DNAI4: variants seen among roughly 807,000 people sequenced by gnomAD.
The protein encoded by DNAI4 is dynein axonemal intermediate chain 4.
A neutral mutation model predicts 105.8 loss-of-function variants in DNAI4; 85 were observed. That is an observed-to-expected ratio of 0.80 (90% CI 0.67 to 0.96). The LOEUF (loss-of-function observed/expected upper bound fraction) is 0.96. DNAI4 is among the 40% of genes least tolerant of loss of function. The pLI, the probability that DNAI4 is intolerant of heterozygous loss-of-function variation, is 0.00. For missense variants in DNAI4, 1,014 were observed against 1,005.6 expected (o/e 1.01, Z -0.11); for synonymous variants, 352 against 331.5 (o/e 1.06, Z -0.67).
intron 1 of DNAI4, among the ~76,000 whole-genome samples, chr1:66,909,345 T>A (rs1649492162): frequency 7.5e-6 from 1 of 132,926 alleles, no homozygotes; most frequent in African/African-American, 3.1e-5. Context: ...TAGAGTCTGA[T>A]CAGGTTTTTG....
intron 1 of DNAI4, among the ~76,000 whole-genome samples, chr1:66,909,246 C>T (rs1354626280): frequency 1.3e-5 from 2 of 148,430 alleles, no homozygotes; most frequent in East Asian, 2.0e-4. Context: ...ACAGCAAACC[C>T]TTGGGAAAAA....
chr1:66,822,663 C>T (rs1645656336), intron 15 of DNAI4, 146 bp from the exon 16 acceptor site: 2 of 637,072 alleles, frequency 3.1e-6, no homozygotes, highest in Non-Finnish European at 4.9e-6. Context: ...AATAACTGCT[C>T]CTCACTCCTT....
At chr1:66,876,462 C>G (rs1269017432) in intron 4 of DNAI4, among the ~76,000 whole-genome samples, 1 of 151,970 alleles carries the variant, frequency 6.6e-6, no homozygotes, top group Admixed American at 6.6e-5. Context: ...TATATAGAAC[C>G]TAATATGGTA....
In DNAI4 at chr1:66,862,181, C is replaced by T; in HGVS notation, c.1062G>A (p.Gln354=). Reference sequence around the variant, plus strand: ...TAGTGCTCCCTGGCAATCTTTGGTCCTGATCTTTAGGAAGTACATTTGCTT... The same window carrying T: ...TAGTGCTCCCTGGCAATCTTTGGTCTTGATCTTTAGGAAGTACATTTGCTT... ...SSKANVLPKD[Q]DQRLPGSTTE... The change falls in exon 7 of 17, where the codon CAG becomes CAA. Residue 354 remains glutamine, a synonymous_variant. Transcript: ENST00000371026. 14 of 1,599,726 alleles carry T rather than the reference C, an allele frequency of 8.8e-6. No individual in the cohort carries two copies. The highest frequency in any genetic ancestry group is 1.2e-5 in the Non-Finnish European group (14 of 1,175,280).
chr1:66,912,242 GAAC>G (rs1649713427), intron 1 of DNAI4, among the ~76,000 whole-genome samples: 1 of 151,918 alleles, frequency 6.6e-6, no homozygotes, highest in African/African-American at 2.4e-5. Context: ...AGCACTTTGG[GAAC>G]AGATTACTTG....
At position 66,845,190 on chromosome 1, in the gene DNAI4, C is replaced by CAAA. The variant is rs59265844; in HGVS notation, c.1291+2291_1291+2293dup. ...TGGGTGACAGAGCGAAACTCCATCT[C>CAAA]AAAAAAAAAAAAAAAAAAAGAAAAA... On this transcript the variant is annotated intron_variant, in intron 8 of 16. Coordinates refer to ENST00000371026, the MANE Select transcript of DNAI4 (RefSeq NM_024763.5). 9.8e-3 allele frequency among the ~76,000 whole-genome samples: 1,040 copies of CAAA among 105,968 alleles called. 18 individuals carry two copies. Among genetic ancestry groups the CAAA allele is most frequent in the Non-Finnish European group, 0.013 (725 of 55,636 alleles). The allele number at this position is 105,968 out of a possible 152,430, so 69.5% of individuals were successfully genotyped here.
rs545414666 is a variant in DNAI4, at chr1:66,873,080, T to G, written c.801-1571A>C. 8.3e-4 allele frequency among the ~76,000 whole-genome samples: 126 copies of G among 152,234 alleles called. 2 individuals carry two copies. The highest frequency in any genetic ancestry group is 1.6e-4 in the Non-Finnish European group (11 of 68,010). ...ATTTGTTTAAACATTTCACACATAT[T>G]TTATATTCTATATCTGATAATATAA... On this transcript the variant is annotated intron_variant, in intron 5 of 16. Transcript: ENST00000371026.
chr1:66,920,120 T>C (rs1650357892), intron 1 of DNAI4, among the ~76,000 whole-genome samples: 1 of 151,856 alleles, frequency 6.6e-6, no homozygotes, highest in Admixed American at 6.5e-5. Flanking sequence ...CCTGCACCCA[T>C]AAAAACCCCA....
intron 7 of DNAI4, among the ~76,000 whole-genome samples, chr1:66,852,527 C>G (rs750325376): frequency 1.1e-4 from 16 of 151,558 alleles, no homozygotes; most frequent in South Asian, 4.2e-4. Context: ...ACACAATGAC[C>G]AATTGAAGTT....
intron 9 of DNAI4, among the ~76,000 whole-genome samples, chr1:66,840,053 G>A (rs758087454): frequency 6.6e-6 from 1 of 152,098 alleles, no homozygotes; most frequent in Non-Finnish European, 1.5e-5. Context: ...TTGCACACTT[G>A]TAAGGTCACT....
At chr1:66,878,133 G>T (rs774838852) in intron 4 of DNAI4, among the ~76,000 whole-genome samples, 1 of 151,972 alleles carries the variant, frequency 6.6e-6, no homozygotes, top group Non-Finnish European at 1.5e-5. Context: ...TGGAATTCTC[G>T]TGTAAAAAGA....
At chr1:66,819,959 T>A (rs957742771) in intron 16 of DNAI4, among the ~76,000 whole-genome samples, 5 of 152,110 alleles carry the variant, frequency 3.3e-5, no homozygotes, top group African/African-American at 1.2e-4. Flanking sequence ...TGGAGGCTTA[T>A]GGACAAAAGA....
intron 13 of DNAI4, among the ~76,000 whole-genome samples, chr1:66,830,080 T>C (rs776319151): frequency 1.3e-5 from 2 of 152,080 alleles, no homozygotes; most frequent in Non-Finnish European, 2.9e-5. Context: ...AGGGAAAAAT[T>C]ACAGCAGAAA....
chr1:66,902,837 A>G (rs113283175), intron 2 of DNAI4, among the ~76,000 whole-genome samples: 10 of 152,242 alleles, frequency 6.6e-5, no homozygotes, highest in African/African-American at 2.4e-4. Context: ...TTCTTTGTCA[A>G]AACCATTTGA....
chr1:66,897,322 G>A (rs942736960), intron 2 of DNAI4, among the ~76,000 whole-genome samples: 1 of 152,172 alleles, frequency 6.6e-6, no homozygotes, highest in Non-Finnish European at 1.5e-5. Flanking sequence ...CTTACAGTGA[G>A]ATTTGAGAAC....
rs182966279 is a variant in DNAI4, at chr1:66,846,596, G to A, written c.1291+888C>T. ...CTCCAAAGCAATATGATAATACAAA[G>A]TAATCTGTGGCCATATTGCAGATAT... On this transcript the variant is annotated intron_variant, in intron 8 of 16. Coordinates refer to ENST00000371026, the MANE Select transcript of DNAI4 (RefSeq NM_024763.5). Among the ~76,000 whole-genome samples, 185 of 152,272 alleles carry A rather than the reference G, an allele frequency of 1.2e-3. 1 individual carries two copies. Among genetic ancestry groups the A allele is most frequent in the African/African-American group, 4.3e-3 (179 of 41,568 alleles).
chr1:66,916,889 C>CTT (rs57839896), intron 1 of DNAI4, among the ~76,000 whole-genome samples: 27 of 147,454 alleles, frequency 1.8e-4, no homozygotes, highest in African/African-American at 5.7e-4. Flanking sequence ...AGATTTTTGC[C>CTT]TTTTTTTTTT....
At chr1:66,845,217 TA>T (rs869249698) in intron 8 of DNAI4, among the ~76,000 whole-genome samples, 11,154 of 37,698 alleles carry the variant, frequency 0.3, 303 homozygotes, top group Non-Finnish European at 0.35. Flanking sequence ...AAAGAAAAAT[TA>T]AAAAAAAAAA....
At chr1:66,886,484 G>A (rs1336935146) in intron 4 of DNAI4, among the ~76,000 whole-genome samples, 2 of 152,204 alleles carry the variant, frequency 1.3e-5, no homozygotes, top group Non-Finnish European at 2.9e-5. Flanking sequence ...ACTCAGGGTA[G>A]CAGTTTGGTT....
Sources: allele counts gnomAD v4.1 joint callset (sites outside exome capture counted in the v4.1 genomes callset), GRCh38; gene constraint gnomAD v4.1.1; transcripts MANE v1.5; gene names NCBI Gene and HGNC (gene_info 2026-07-23, HGNC 2026-07-21).